TOP3B: variants seen among roughly 807,000 people sequenced by gnomAD.
TOP3B encodes DNA topoisomerase 3-beta-1.
A neutral mutation model predicts 93.9 loss-of-function variants in TOP3B; 45 were observed. The ratio of observed to expected loss-of-function variants is 0.48; its 90% CI spans 0.38 to 0.61. The LOEUF is 0.61. Among genes scored for constraint, TOP3B ranks in the 20% least tolerant of loss-of-function variants. The pLI, the probability that TOP3B is intolerant of heterozygous loss-of-function variation, is 0.00. For missense variants in TOP3B, 750 were observed against 1,156.1 expected (o/e 0.65, Z 5.09); for synonymous variants, 357 against 472.6 (o/e 0.76, Z 3.17).
Position 21,970,657 on chromosome 22 carries a change from T to C in TOP3B, c.385-251A>G, listed in dbSNP as rs865909275. 11 of 539,412 alleles carry C rather than the reference T, an allele frequency of 2.0e-5. No individual in the cohort carries two copies. The highest frequency in any genetic ancestry group is 1.6e-4 in the Admixed American group (5 of 32,162). The allele number at this position is 539,412 out of a possible 1,614,324, so 33.4% of individuals were successfully genotyped here. A position where few individuals can be genotyped will look rare whatever the true frequency, so the allele number is the denominator to read the frequency against. Reference sequence around the variant, plus strand: ...CTTCCTTTACTCCCATCTAGAAACATACTCGAACACTCCCTTCTTACTCCC... The same window carrying C: ...CTTCCTTTACTCCCATCTAGAAACACACTCGAACACTCCCTTCTTACTCCC... On this transcript the variant is annotated intron_variant, in intron 5 of 17. Transcript: ENST00000357179. The surrounding 1 kb of genome is among the most constrained non-coding windows in gnomAD (Gnocchi z 4.4).
intron 14 of TOP3B, 31 bp from the exon 15 acceptor site, chr22:21,959,767 T>A (rs1217462113): frequency 6.2e-7 from 1 of 1,603,318 alleles, no homozygotes; most frequent in African/African-American, 1.3e-5. Context: ...GATATTGCCC[T>A]GAGCACTCGC....
In TOP3B at chr22:21,968,741, C is replaced by A; in HGVS notation, c.616G>T (p.Asp206Tyr). 6.2e-7 allele frequency: 1 copy of A among 1,614,202 alleles called. No homozygotes were observed. The highest frequency in any genetic ancestry group is 8.5e-7 in the Non-Finnish European group (1 of 1,180,036). ...AAGGAGATGAGAGAGCTGTCTAAAT[C>A]ACCGTATTTCCCCTGGAAATATTTA... ...QTKYFQGKYG[D>Y]LDSSLISFGP... The change falls in exon 7 of 18, where the codon GAT (aspartate) becomes TAT (tyrosine). Residue 206 changes from aspartate to tyrosine, a missense_variant. By Grantham distance (160) the Asp-to-Tyr change is radical. Coordinates refer to ENST00000357179, the MANE Select transcript of TOP3B (RefSeq NM_001282112.2).
chr22:21,971,583 C>A lies in TOP3B; in HGVS notation c.384+294G>T. 2.2e-6 allele frequency: 1 copy of A among 449,922 alleles called. No individual in the cohort carries two copies. The highest frequency in any genetic ancestry group is 4.2e-6 in the Non-Finnish European group (1 of 240,726). 27.9% of individuals were successfully genotyped at this position (449,922 alleles called of 1,614,324 possible). On this transcript the variant is annotated intron_variant, in intron 5 of 17. Coordinates refer to ENST00000357179, the MANE Select transcript of TOP3B (RefSeq NM_001282112.2). This position sits in a 1 kb window ranked among gnomAD's most constrained non-coding sequence, Gnocchi z 4.6. The stretch of plus-strand genomic sequence containing the variant: ...CAAGATGCTGAACACCAAGCTGCCC[C>A]AAGACAATCCCATTCTGAAACCTGC...
At position 21,974,483 on chromosome 22, in the gene TOP3B, G is replaced by C; in HGVS notation, c.76C>G (p.Leu26Val). The change falls in exon 3 of 18, where the codon CTG becomes GTG. Residue 26 changes from leucine to valine, a missense_variant. By Grantham distance (32) the Leu-to-Val change is conservative (BLOSUM62 1). Around this residue, in one of 4 missense-constraint regions of TOP3B, gnomAD observed 737 missense variants for 933.7 expected, o/e 0.79. Coordinates refer to ENST00000357179, the MANE Select transcript of TOP3B (RefSeq NM_001282112.2). ...CCGTTCAGCCCTTTGTGTGAGGACA[G>C]GCTCCCTGGGGATGAGGAAGCACAA... ...SIAKILSRGS[L>V]SSHKGLNGAC... The C allele has an allele frequency of 6.2e-7, 1 of 1,606,588 alleles. No individual in the cohort carries two copies. The highest frequency in any genetic ancestry group is 8.5e-7 in the Non-Finnish European group (1 of 1,175,832).
At chr22:21,964,095 T>G in intron 10 of TOP3B, 66 bp downstream of exon 10, 1 of 1,608,820 alleles carries the variant, frequency 6.2e-7, no homozygotes, top group African/African-American at 1.3e-5. Flanking sequence ...TTGGCTGACG[T>G]ACCAGACCTG....
In TOP3B at chr22:21,960,329, T is replaced by C. The variant is rs768343010; in HGVS notation, c.1646A>G (p.Tyr549Cys). 4 of 1,613,348 alleles carry C rather than the reference T, an allele frequency of 2.5e-6. No individual in the cohort carries two copies. The highest frequency in any genetic ancestry group is 1.1e-5 in the South Asian group (1 of 91,068). Reference protein sequence around the residue: ...NLGIVLVHGYYKIDAELVLPT... With the variant: ...NLGIVLVHGYCKIDAELVLPT... Reference sequence around the variant, plus strand: ...AGGACTGAGGAACTCACCAATCTTATAGTAGCCGTGCACCAGGACGATGCC... The same window carrying C: ...AGGACTGAGGAACTCACCAATCTTACAGTAGCCGTGCACCAGGACGATGCC... Residue 549 changes from tyrosine to cysteine, a missense_variant, in exon 14 of 18, where the codon TAT (tyrosine) becomes TGT (cysteine). Tyr to Cys is a radical substitution (Grantham distance 194). This residue lies in a region of TOP3B where 737 missense variants were observed against 933.7 expected (regional missense o/e 0.79). Transcript: ENST00000357179.
At position 21,971,672 on chromosome 22, in the gene TOP3B, G is replaced by A; in HGVS notation, c.384+205C>T. On this transcript the variant is annotated intron_variant, in intron 5 of 17. Transcript: ENST00000357179. This position sits in a 1 kb window ranked among gnomAD's most constrained non-coding sequence, Gnocchi z 4.6. The stretch of plus-strand genomic sequence containing the variant: ...TACCGTTGAGGCCTCAGCAAGCGGA[G>A]GAACAACTGACCACCTTTAATAGAG... The A allele has an allele frequency of 1.6e-6, 1 of 626,256 alleles. No homozygotes were observed. 38.8% of individuals were successfully genotyped at this position (626,256 alleles called of 1,614,324 possible).
chr22:21,960,512 C>T (rs2071128147), intron 13 of TOP3B, 63 bp from the exon 14 acceptor site: 4 of 1,598,528 alleles, frequency 2.5e-6, no homozygotes, highest in African/African-American at 2.7e-5. Flanking sequence ...GAACCATGTG[C>T]TGTATCACCT....
At position 21,960,597 on chromosome 22, in the gene TOP3B, C is replaced by G. The variant is rs986558746; in HGVS notation, c.1526-148G>C. ...AGGGAGGGCTGTGCCCTGAGCTCCC[C>G]CTGCACTGTGCTGGGCACCAACTGC... On this transcript the variant is annotated intron_variant, in intron 13 of 17. Transcript: ENST00000357179. The G allele has an allele frequency of 1.4e-5, 15 of 1,091,202 alleles. No homozygotes were observed. The African/African-American group carries it at 2.2e-4, about 16-fold the overall frequency. The allele number at this position is 1,091,202 out of a possible 1,614,324, so 67.6% of individuals were successfully genotyped here.
intron 8 of TOP3B, chr22:21,967,139 CTGAG>C (rs1569149589): frequency 5.9e-6 from 1 of 169,810 alleles, no homozygotes; most frequent in Non-Finnish European, 1.3e-5. Flanking sequence ...CATAGAAGCC[CTGAG>C]TAAGAAACAT....
chr22:21,967,500 G>A, intron 8 of TOP3B, 103 bp downstream of exon 8: 1 of 862,124 alleles, frequency 1.2e-6, no homozygotes, highest in Non-Finnish European at 1.9e-6. Context: ...GAAAGGGGGA[G>A]AAAGACGTGG....
At chr22:21,979,245 T>G (rs1303779303) in intron 1 of TOP3B, among the ~76,000 whole-genome samples, 23 of 150,948 alleles carry the variant, frequency 1.5e-4, no homozygotes. Context: ...TTGGGGAGGG[T>G]CCACAGAGGG....
chr22:21,975,386 C>T, intron 2 of TOP3B: 1 of 393,772 alleles, frequency 2.5e-6, no homozygotes, highest in Non-Finnish European at 4.6e-6. Context: ...CCCCACCAGG[C>T]CCAGCATATG....
intron 13 of TOP3B, chr22:21,961,106 G>A (rs1180685463): frequency 6.5e-6 from 1 of 153,286 alleles, no homozygotes; most frequent in Non-Finnish European, 1.5e-5. Flanking sequence ...TCACCAGCAT[G>A]GACAGGTGAC....
chr22:21,959,651 CT>C lies in TOP3B; in HGVS notation c.1739del (p.Gln580ArgfsTer27). On this transcript the variant is annotated frameshift_variant, in exon 15 of 18. Transcript: ENST00000357179. LOFTEE classifies it high-confidence loss of function. ...ACACGTCCAGGGTGTGGCCCAGGACCTGGCGGTAGTCGGCCTTGCCCTGGGC... is the reference window on the plus strand; with the variant it reads ...ACACGTCCAGGGTGTGGCCCAGGACCGGCGGTAGTCGGCCTTGCCCTGGGC... ...LIAQGKADYR[Q>X]VLGHTLDVFK... The C allele has an allele frequency of 6.2e-7, 1 of 1,613,832 alleles. No homozygotes were observed. Among genetic ancestry groups the C allele is most frequent in the Non-Finnish European group, 8.5e-7 (1 of 1,179,942 alleles).
intron 13 of TOP3B, 154 bp downstream of exon 13, chr22:21,962,275 G>A: frequency 6.3e-7 from 1 of 1,585,928 alleles, no homozygotes. Flanking sequence ...GACCTGCCTG[G>A]CTGGCCACAC....
At chr22:21,975,581 T>C in intron 2 of TOP3B, 59 bp downstream of exon 2, 3 of 1,526,118 alleles carry the variant, frequency 2.0e-6, no homozygotes, top group East Asian at 2.3e-5. Context: ...TAGGAAAAAA[T>C]GTCCTGTAAC....
At chr22:21,980,279 A>G (rs1271561605) in intron 1 of TOP3B, among the ~76,000 whole-genome samples, 3 of 152,196 alleles carry the variant, frequency 2.0e-5, no homozygotes, top group Non-Finnish European at 2.9e-5. Flanking sequence ...TTTTACATTT[A>G]GCGCCTGGAC....
chr22:21,978,217 G>T (rs2071962259), intron 1 of TOP3B, among the ~76,000 whole-genome samples: 1 of 152,010 alleles, frequency 6.6e-6, no homozygotes, highest in African/African-American at 2.4e-5. Flanking sequence ...CAGAATCCAG[G>T]CAGACCTGGG....
Sources: allele counts gnomAD v4.1 joint callset (sites outside exome capture counted in the v4.1 genomes callset), GRCh38; gene constraint gnomAD v4.1.1; regional missense constraint gnomAD v4.1.1; non-coding constraint Gnocchi (gnomAD v3.1); transcripts MANE v1.5; gene names NCBI Gene and HGNC (gene_info 2026-07-23, HGNC 2026-07-21).